KCNJ4: variants seen among roughly 807,000 people sequenced by gnomAD.
KCNJ4 encodes the protein inward rectifier potassium channel 4.
A neutral mutation model predicts 25.6 loss-of-function variants in KCNJ4; 3 were observed. That is an observed-to-expected ratio of 0.12 (90% CI 0.05 to 0.30). The LOEUF is 0.30. Among genes scored for constraint, KCNJ4 ranks in the 10% least tolerant of loss-of-function variants. The pLI is 1.00. For synonymous variants in KCNJ4, 257 were observed against 283.9 expected, an observed-to-expected ratio of 0.91 and a Z score of 0.95; for missense variants, 286 against 666.8, an observed-to-expected ratio of 0.43 and a Z score of 6.29.
At chr22:38,428,821 A>G (rs2093040659) in intron 1 of KCNJ4, among the ~76,000 whole-genome samples, 5 of 152,084 alleles carry the variant, frequency 3.3e-5, no homozygotes, top group Admixed American at 3.3e-4. Context: ...ACAGGGGCTC[A>G]TGCCTGTGAT....
chr22:38,445,814 A>G (rs2145945802), intron 1 of KCNJ4, among the ~76,000 whole-genome samples: 1 of 152,308 alleles, frequency 6.6e-6, no homozygotes, highest in Admixed American at 6.5e-5. Flanking sequence ...ATTTTAAAGC[A>G]CTGGCCTGAG....
intron 1 of KCNJ4, among the ~76,000 whole-genome samples, chr22:38,441,174 C>T (rs73157117): frequency 0.062 from 9,390 of 152,194 alleles, 329 homozygotes; most frequent in South Asian, 0.082. Flanking sequence ...GAGCTCTCAG[C>T]AGAGTTGCCC....
chr22:38,439,732 G>A (rs180872891), intron 1 of KCNJ4, among the ~76,000 whole-genome samples: 3,336 of 138,780 alleles, frequency 0.024, 126 homozygotes, highest in African/African-American at 0.086. Flanking sequence ...CCGAGATTGC[G>A]CCACTGCACT....
intron 1 of KCNJ4, among the ~76,000 whole-genome samples, chr22:38,441,982 G>A (rs2089338473): frequency 6.6e-6 from 1 of 152,154 alleles, no homozygotes; most frequent in South Asian, 2.1e-4. Context: ...GCTACCATTT[G>A]TGTAAAAAAG....
At chr22:38,430,059 G>GC (rs1458014906) in intron 1 of KCNJ4, among the ~76,000 whole-genome samples, 1 of 139,726 alleles carries the variant, frequency 7.2e-6, no homozygotes, top group Non-Finnish European at 1.5e-5. Context: ...CTCCTCCCCC[G>GC]CGGTCACCCA....
At chr22:38,452,919 C>T (rs376843801) in intron 1 of KCNJ4, among the ~76,000 whole-genome samples, 26 of 151,796 alleles carry the variant, frequency 1.7e-4, no homozygotes, top group African/African-American at 6.0e-4. Flanking sequence ...TTCCCACCGC[C>T]GCTAGTTTCC....
intron 1 of KCNJ4, among the ~76,000 whole-genome samples, chr22:38,437,447 C>T (rs1473393309): frequency 1.3e-5 from 2 of 152,194 alleles, no homozygotes; most frequent in African/African-American, 2.4e-5. Flanking sequence ...CCAGAACAAC[C>T]GCAGCTCCCT....
At position 38,426,726 on chromosome 22, in the gene KCNJ4, A is replaced by G; in HGVS notation, c.*69T>C. On this transcript the variant is annotated 3_prime_UTR_variant, in exon 2 of 2. Transcript: ENST00000303592. ...GGGTTGGCTCTGTCCTGAGTGTGGG[A>G]GGGGGTGTCCTGGCATCCCACCCCC... 1 of 1,521,976 alleles carries G rather than the reference A, an allele frequency of 6.6e-7. No homozygotes were observed. Among genetic ancestry groups the G allele is most frequent in the Non-Finnish European group, 8.9e-7 (1 of 1,124,398 alleles). 94.3% of individuals were successfully genotyped at this position (1,521,976 alleles called of 1,614,324 possible).
intron 1 of KCNJ4, among the ~76,000 whole-genome samples, chr22:38,453,510 G>A (rs896606110): frequency 3.3e-5 from 5 of 151,988 alleles, no homozygotes; most frequent in African/African-American, 9.7e-5. Context: ...ACTGCCCCAC[G>A]CCCACCTCCA....
At position 38,427,064 on chromosome 22, in the gene KCNJ4, T is replaced by C. The variant is rs1284594994; in HGVS notation, c.1069A>G (p.Lys357Glu). 1.2e-6 allele frequency: 2 copies of C among 1,612,558 alleles called. No individual in the cohort carries two copies. Among genetic ancestry groups the C allele is most frequent in the Non-Finnish European group, 1.7e-6 (2 of 1,179,912 alleles). ...CCSARELQES[K>E]ITVLPAPPPP... ...GGTGGGGCGGGCAGCACGGTGATCT[T>C]ACTCTCCTGCAGCTCCCGGGCCGAG... The change falls in exon 2 of 2, where the codon AAG becomes GAG. Residue 357 changes from lysine to glutamate, a missense_variant. This residue lies in a region of KCNJ4 where 36 missense variants were observed against 100.1 expected (regional missense o/e 0.36). Coordinates refer to ENST00000303592, the MANE Select transcript of KCNJ4 (RefSeq NM_152868.3).
chr22:38,441,687 C>T (rs1036569910), intron 1 of KCNJ4, among the ~76,000 whole-genome samples: 1 of 152,152 alleles, frequency 6.6e-6, no homozygotes, highest in Admixed American at 6.5e-5. Flanking sequence ...ACAGTCAGGG[C>T]TGAGTTCGAG....
intron 1 of KCNJ4, among the ~76,000 whole-genome samples, chr22:38,446,283 C>T (rs887512312): frequency 4.6e-5 from 7 of 152,246 alleles, no homozygotes; most frequent in Non-Finnish European, 1.0e-4. Context: ...GGCAAGTGGT[C>T]CTCTCTCTGC....
chr22:38,444,997 C>A (rs2089363620), intron 1 of KCNJ4, among the ~76,000 whole-genome samples: 1 of 152,124 alleles, frequency 6.6e-6, no homozygotes, highest in Admixed American at 6.6e-5. Context: ...CTACTGTATG[C>A]TGAAGGGAAG....
At chr22:38,434,041 G>T (rs1371512974) in intron 1 of KCNJ4, among the ~76,000 whole-genome samples, 5 of 152,126 alleles carry the variant, frequency 3.3e-5, no homozygotes, top group Admixed American at 1.3e-4. Flanking sequence ...CCGTGCCACT[G>T]ACCAGAGACA....
chr22:38,431,702 C>T (rs374935205), intron 1 of KCNJ4, among the ~76,000 whole-genome samples: 3 of 152,218 alleles, frequency 2.0e-5, no homozygotes, highest in Non-Finnish European at 1.5e-5. Flanking sequence ...AATAAGAGCA[C>T]GCTGCTGCCA....
chr22:38,446,503 G>C (rs1438582087), intron 1 of KCNJ4, among the ~76,000 whole-genome samples: 1 of 152,226 alleles, frequency 6.6e-6, no homozygotes, highest in African/African-American at 2.4e-5. Context: ...CAGCTGTCCA[G>C]AGAAGTGGTA....
intron 1 of KCNJ4, among the ~76,000 whole-genome samples, chr22:38,433,178 T>C (rs2093055303): frequency 6.6e-6 from 1 of 152,200 alleles, no homozygotes; most frequent in African/African-American, 2.4e-5. Flanking sequence ...CCGGGTGCGG[T>C]GGCTCACGCC....
intron 1 of KCNJ4, among the ~76,000 whole-genome samples, chr22:38,435,498 G>C (rs894587222): frequency 2.6e-5 from 4 of 152,038 alleles, no homozygotes; most frequent in Non-Finnish European, 4.4e-5. Context: ...TTCGAGACCA[G>C]CCTGGCCAAC....
intron 1 of KCNJ4, among the ~76,000 whole-genome samples, chr22:38,435,780 C>T (rs1187577345): frequency 6.6e-6 from 1 of 152,098 alleles, no homozygotes; most frequent in Non-Finnish European, 1.5e-5. Flanking sequence ...GTCCCCACTC[C>T]AGCTGAGGCC....
Sources: gnomAD v4.1 joint callset for allele counts (sites outside exome capture counted in the v4.1 genomes callset) on GRCh38, gnomAD v4.1.1 for gene constraint, gnomAD v4.1.1 regional missense constraint, MANE v1.5 for transcripts, NCBI Gene and HGNC (gene_info 2026-07-23, HGNC 2026-07-21) for gene names.